Variants in SOX5 observed in about 807,000 individuals in gnomAD.
SOX5 encodes the protein SRY-box transcription factor 5.
A neutral mutation model predicts 92.0 loss-of-function variants in SOX5; 9 were observed. The observed-to-expected ratio is 0.10, with a 90% CI of 0.06 to 0.17. SOX5 has a LOEUF of 0.17. Among genes scored for constraint, SOX5 ranks in the 10% least tolerant of loss-of-function variants. The pLI, the probability that SOX5 is intolerant of heterozygous loss-of-function variation, is 1.00. For synonymous variants in SOX5, 344 were observed against 336.3 expected (o/e 1.02, Z -0.25); for missense variants, 642 against 944.5 (o/e 0.68, Z 4.20).
intron 1 of SOX5, among the ~76,000 whole-genome samples, chr12:24,458,880 A>G (rs1197773904): frequency 2.0e-5 from 3 of 152,230 alleles, no homozygotes; most frequent in African/African-American, 4.8e-5. Flanking sequence ...ATTCCAAGAT[A>G]GTAAAACTTG....
chr12:23,566,069 CAAGGCAAATCTCCTAAT>C (rs764088356), intron 10 of SOX5, among the ~76,000 whole-genome samples: 79 of 152,280 alleles, frequency 5.2e-4, no homozygotes, highest in Middle Eastern at 3.4e-3. Flanking sequence ...TGCTTTCAAT[CAAGGCAAATCTCCTAAT>C]AAGAGTTCTA....
intron 2 of SOX5, among the ~76,000 whole-genome samples, chr12:23,847,471 C>A (rs1373485648): frequency 6.6e-6 from 1 of 152,072 alleles, no homozygotes; most frequent in Non-Finnish European, 1.5e-5. Context: ...ATATTTTGGA[C>A]TAGCTTAAAA....
chr12:23,728,234 G>A (rs4396370), intron 6 of SOX5, among the ~76,000 whole-genome samples: 108,374 of 152,076 alleles, frequency 0.71, 38,768 homozygotes, highest in East Asian at 0.77. Context: ...CTGAATGCCA[G>A]GAAATTGTAT....
intron 1 of SOX5, among the ~76,000 whole-genome samples, chr12:24,450,080 C>G (rs1377798873): frequency 6.6e-6 from 1 of 152,158 alleles, no homozygotes; most frequent in Admixed American, 6.5e-5. Context: ...AATGAGGAAG[C>G]TGGGTATTAT....
At chr12:23,948,365 T>C (rs1944964295) in intron 1 of SOX5, among the ~76,000 whole-genome samples, 1 of 152,148 alleles carries the variant, frequency 6.6e-6, no homozygotes, top group African/African-American at 2.4e-5. Flanking sequence ...AATACTCTTT[T>C]TCTCTTCCAT....
chr12:23,754,233 T>G (rs953541984), intron 4 of SOX5, among the ~76,000 whole-genome samples: 1 of 151,746 alleles, frequency 6.6e-6, no homozygotes, highest in African/African-American at 2.4e-5. Context: ...ACGTTTGTCC[T>G]CCATTGGAAT....
At chr12:23,899,229 C>T (rs764848296) in intron 1 of SOX5, among the ~76,000 whole-genome samples, 1 of 151,908 alleles carries the variant, frequency 6.6e-6, no homozygotes, top group Non-Finnish European at 1.5e-5. Context: ...TGGAGAAACC[C>T]CATCTCTACT....
At chr12:23,639,224 C>T (rs1055068461) in intron 8 of SOX5, among the ~76,000 whole-genome samples, 1 of 151,958 alleles carries the variant, frequency 6.6e-6, no homozygotes, top group East Asian at 1.9e-4. Flanking sequence ...AAATAAAAAT[C>T]TCATATAGTA....
Position 23,546,454 on chromosome 12 carries a change from C to A in SOX5, c.1489-30G>T, listed in dbSNP as rs1051792865. The A allele has an allele frequency of 2.1e-5, 26 of 1,227,064 alleles. No individual in the cohort carries two copies. In the African/African-American group the frequency reaches 3.8e-4, roughly 18 times the overall value. The allele number at this position is 1,227,064 out of a possible 1,614,324, so 76.0% of individuals were successfully genotyped here. A position where few individuals can be genotyped will look rare whatever the true frequency, so the allele number is the denominator to read the frequency against. On this transcript the variant is annotated intron_variant, in intron 11 of 14. Coordinates refer to ENST00000451604, the MANE Select transcript of SOX5 (RefSeq NM_006940.6). ...AAAAAAATTATAATGAGAGATCAGT[C>A]TAGGAATTAAAATTATTTGAAGACT... is the stretch of plus-strand genomic sequence containing the variant.
At chr12:24,495,573 C>A (rs1236058714) in intron 1 of SOX5, among the ~76,000 whole-genome samples, 1 of 152,148 alleles carries the variant, frequency 6.6e-6, no homozygotes, top group Non-Finnish European at 1.5e-5. Flanking sequence ...TGAGTGAACA[C>A]TTGAGAACAA....
At chr12:23,664,151 T>C (rs1378664838) in intron 7 of SOX5, among the ~76,000 whole-genome samples, 2 of 152,052 alleles carry the variant, frequency 1.3e-5, no homozygotes, top group Non-Finnish European at 2.9e-5. Flanking sequence ...CAATACGATA[T>C]AGAGAAAGAT....
At chr12:24,081,407 G>A (rs1211187054) in intron 4 of SOX5, among the ~76,000 whole-genome samples, 1 of 151,924 alleles carries the variant, frequency 6.6e-6, no homozygotes, top group Non-Finnish European at 1.5e-5. Flanking sequence ...TTATTTATAA[G>A]CTGTCAACTT....
chr12:23,547,402 A>G lies in SOX5; in HGVS notation c.1489-978T>C, dbSNP rs1943342593. ...TTATTCACCTCATTTTCTGAGGAAC[A>G]TAGTCATGAATCATACTAGTGAACG... On this transcript the variant is annotated intron_variant, in intron 11 of 14. Transcript: ENST00000451604. Among the ~76,000 whole-genome samples, 4 of 152,212 alleles carry G rather than the reference A, an allele frequency of 2.6e-5. 1 individual carries two copies. The South Asian group carries it at 8.3e-4, about 32-fold the overall frequency.
chr12:24,148,688 TAAAAAAA>T (rs398018872), intron 4 of SOX5, among the ~76,000 whole-genome samples: 3 of 70,930 alleles, frequency 4.2e-5, no homozygotes, highest in African/African-American at 8.6e-5. Context: ...CCATCTCTAC[TAAAAAAA>T]AAAAAAAAAA....
chr12:24,205,603 G>T (rs569235180), intron 4 of SOX5, among the ~76,000 whole-genome samples: 2 of 152,278 alleles, frequency 1.3e-5, no homozygotes, highest in East Asian at 3.9e-4. Flanking sequence ...CATACCCATT[G>T]CATCCCACTT....
rs190952042 is a variant in SOX5, at chr12:23,841,504, T to C, written c.481+4479A>G. ...ATAAAAAGCTGCACATGAGTATTAA[T>C]AGAAGCTTTATTCATAATAACCAAA... On this transcript the variant is annotated intron_variant, in intron 3 of 14. Transcript: ENST00000451604. 3.9e-5 allele frequency among the ~76,000 whole-genome samples: 6 copies of C among 152,210 alleles called. No homozygotes were observed. In the East Asian group the frequency reaches 1.2e-3, roughly 29 times the overall value.
chr12:23,865,854 G>T (rs2136582067), intron 2 of SOX5, among the ~76,000 whole-genome samples: 1 of 152,264 alleles, frequency 6.6e-6, no homozygotes, highest in South Asian at 2.1e-4. Flanking sequence ...AGAGGAGTTT[G>T]AAAGAAGTTG....
At chr12:24,021,264 C>T (rs1356167515) in intron 4 of SOX5, among the ~76,000 whole-genome samples, 1 of 152,152 alleles carries the variant, frequency 6.6e-6, no homozygotes, top group Non-Finnish European at 1.5e-5. Context: ...GGACAGAGGT[C>T]TAAGTGGCTC....
At chr12:24,545,800 C>T (rs1952569240) in intron 1 of SOX5, among the ~76,000 whole-genome samples, 1 of 152,202 alleles carries the variant, frequency 6.6e-6, no homozygotes, top group African/African-American at 2.4e-5. Flanking sequence ...GTTGTGGCCC[C>T]TCCACAGGGA....
Sources: gnomAD v4.1 joint callset for allele counts (sites outside exome capture counted in the v4.1 genomes callset) on GRCh38, gnomAD v4.1.1 for gene constraint, MANE v1.5 for transcripts, NCBI Gene and HGNC (gene_info 2026-07-23, HGNC 2026-07-21) for gene names.